YIPF4: variants seen among roughly 807,000 people sequenced by gnomAD.
The protein encoded by YIPF4 is protein YIPF4.
Under a neutral mutation model 29.4 loss-of-function variants are expected in YIPF4, and 18 were observed. The observed-to-expected ratio is 0.61, with a 90% CI of 0.42 to 0.91. The LOEUF (loss-of-function observed/expected upper bound fraction) is 0.91. YIPF4 is among the 40% of genes least tolerant of loss of function. The pLI, the probability that YIPF4 is intolerant of heterozygous loss-of-function variation, is 0.00. For missense variants in YIPF4, 279 were observed against 282.7 expected (o/e 0.99, Z 0.09); for synonymous variants, 115 against 104.7 (o/e 1.10, Z -0.60).
intron 5 of YIPF4, among the ~76,000 whole-genome samples, chr2:32,303,403 G>A (rs887615366): frequency 6.6e-6 from 1 of 152,178 alleles, no homozygotes; most frequent in Non-Finnish European, 1.5e-5. Flanking sequence ...TCAAGCTGTT[G>A]TTATTACAAA....
chr2:32,305,802 G>A lies in YIPF4; in HGVS notation c.*176G>A. On this transcript the variant is annotated 3_prime_UTR_variant, in exon 6 of 6. Transcript: ENST00000238831. ...TTTTGTATTTAATTAAGCAATTGCA[G>A]TTATCTGGGATTTTTGGGTCAGAAT... 1 of 1,227,396 alleles carries A rather than the reference G, an allele frequency of 8.1e-7. No homozygotes were observed. Among genetic ancestry groups the A allele is most frequent in the East Asian group, 3.3e-5 (1 of 30,242 alleles). 76.0% of individuals were successfully genotyped at this position (1,227,396 alleles called of 1,614,324 possible). A position where few individuals can be genotyped will look rare whatever the true frequency, so the allele number is the denominator to read the frequency against.
At position 32,278,073 on chromosome 2, in the gene YIPF4, G is replaced by T. The variant is rs1398318388; in HGVS notation, c.-83G>T. The T allele has an allele frequency of 4.0e-6, 5 of 1,243,298 alleles. No homozygotes were observed. The highest frequency in any genetic ancestry group is 1.6e-5 in the African/African-American group (1 of 63,218). 77.0% of individuals were successfully genotyped at this position (1,243,298 alleles called of 1,614,324 possible). On this transcript the variant is annotated 5_prime_UTR_variant, in exon 1 of 6. Transcript: ENST00000238831. ...TCGTAGGCCGCACCGTAGGGCGAGC[G>T]TGCGGGTCGCCGCCGCGGCCGCCTC...
At chr2:32,291,184 TTG>T (rs1211501586) in intron 2 of YIPF4, among the ~76,000 whole-genome samples, 1 of 152,250 alleles carries the variant, frequency 6.6e-6, no homozygotes, top group African/African-American at 2.4e-5. Context: ...AGATTCTTCT[TTG>T]TATTAATTAT....
chr2:32,303,185 G>A (rs1172430020), intron 5 of YIPF4, among the ~76,000 whole-genome samples: 2 of 152,262 alleles, frequency 1.3e-5, no homozygotes, highest in Middle Eastern at 3.4e-3. Context: ...CCTGGGCAAC[G>A]TGGCGAAACT....
At chr2:32,278,637 T>C (rs1455432862) in intron 1 of YIPF4, among the ~76,000 whole-genome samples, 1 of 152,158 alleles carries the variant, frequency 6.6e-6, no homozygotes, top group Non-Finnish European at 1.5e-5. Flanking sequence ...TTTCTTCTGT[T>C]ATGTATCAAC....
chr2:32,298,414 G>A, intron 4 of YIPF4, 103 bp downstream of exon 4: 1 of 819,826 alleles, frequency 1.2e-6, no homozygotes, highest in Non-Finnish European at 2.0e-6. Context: ...TCTTGTCCCA[G>A]AATTGCTTTA....
In YIPF4 at chr2:32,310,632, CTTTGGAAGGCTGAGGCGGGAGGACTG is replaced by C. The variant is rs1360731267; in HGVS notation, c.*5010_*5035del. 1 of 152,158 alleles carries C rather than the reference CTTTGGAAGGCTGAGGCGGGAGGACTG, an allele frequency of 6.6e-6. No individual in the cohort carries two copies. Among genetic ancestry groups the C allele is most frequent in the Non-Finnish European group, 1.5e-5 (1 of 68,046 alleles). 9.4% of individuals were successfully genotyped at this position (152,158 alleles called of 1,614,324 possible). ...CAGTATCATACCTGTAATCCCAGCACTTTGGAAGGCTGAGGCGGGAGGACTGTTTTGTGGCCAGGAGTTCAAAATCA... is the reference window on the plus strand; with the variant it reads ...CAGTATCATACCTGTAATCCCAGCACTTTTGTGGCCAGGAGTTCAAAATCA... On this transcript the variant is annotated 3_prime_UTR_variant, in exon 6 of 6. Transcript: ENST00000238831.
rs2031564141 is a variant in YIPF4 at position 32,305,849 on chromosome 2, C to T, written c.*223C>T. The T allele has an allele frequency of 2.6e-6, 3 of 1,165,460 alleles. No individual in the cohort carries two copies. In the South Asian group the frequency reaches 1.2e-4, roughly 46 times the overall value. 72.2% of individuals were successfully genotyped at this position (1,165,460 alleles called of 1,614,324 possible). A position where few individuals can be genotyped will look rare whatever the true frequency, so the allele number is the denominator to read the frequency against. On this transcript the variant is annotated 3_prime_UTR_variant, in exon 6 of 6. Transcript: ENST00000238831. ...GAATTTTAAATTCTGTTTGATTCTC[C>T]ATATTCCAGTGAATAAAATACAAAA...
chr2:32,289,408 G>T (rs917381939), intron 1 of YIPF4, among the ~76,000 whole-genome samples: 4 of 152,156 alleles, frequency 2.6e-5, no homozygotes, highest in Non-Finnish European at 5.9e-5. Flanking sequence ...ATGAAAAATG[G>T]TTTTTTGTTT....
chr2:32,296,470 CAA>C (rs1217407449), intron 3 of YIPF4, among the ~76,000 whole-genome samples: 15 of 87,762 alleles, frequency 1.7e-4, no homozygotes, highest in Admixed American at 2.6e-4. Flanking sequence ...GACTCAGTCT[CAA>C]AAAAAAAAAA....
rs575976854 is a variant in YIPF4 at position 32,302,648 on chromosome 2, C to T, written c.597+1153C>T. On this transcript the variant is annotated intron_variant, in intron 5 of 5. Transcript: ENST00000238831. ...CTTAAACATTGGAATTTATTAATGT[C>T]GAACAACTTTGGGAAATAAATGACT... Among the ~76,000 whole-genome samples the T allele has an allele frequency of 2.5e-3, 379 of 151,980 alleles. 1 individual carries two copies. Among genetic ancestry groups the T allele is most frequent in the South Asian group, 0.023 (110 of 4,822 alleles).
chr2:32,307,705 G>C lies in YIPF4; in HGVS notation c.*2079G>C, dbSNP rs571354809. On this transcript the variant is annotated 3_prime_UTR_variant, in exon 6 of 6. Transcript: ENST00000238831. ...CACTTTGGGAGGCCAAAGTGGATGA[G>C]CAGCTTGAGTCAGGAGTTTGAGACC... is the stretch of plus-strand genomic sequence containing the variant. 5 of 152,254 alleles carry C rather than the reference G, an allele frequency of 3.3e-5. No individual in the cohort carries two copies. Among genetic ancestry groups the C allele is most frequent in the African/African-American group, 9.6e-5 (4 of 41,524 alleles). The allele number at this position is 152,254 out of a possible 1,614,324, so 9.4% of individuals were successfully genotyped here.
intron 1 of YIPF4, among the ~76,000 whole-genome samples, chr2:32,284,711 C>T (rs1444488645): frequency 6.6e-6 from 1 of 152,146 alleles, no homozygotes; most frequent in Non-Finnish European, 1.5e-5. Context: ...TGGACTAATA[C>T]AGCAAGTATA....
At chr2:32,296,039 A>G (rs868261598) in intron 3 of YIPF4, among the ~76,000 whole-genome samples, 1 of 152,246 alleles carries the variant, frequency 6.6e-6, no homozygotes, top group Middle Eastern at 3.2e-3. Context: ...TTAGTAGTTT[A>G]TATCAGATGT....
At chr2:32,279,424 GTC>G (rs2030281125) in intron 1 of YIPF4, among the ~76,000 whole-genome samples, 1 of 101,224 alleles carries the variant, frequency 9.9e-6, no homozygotes, top group Admixed American at 1.2e-4. Flanking sequence ...TTGAGACTGA[GTC>G]TCGCTCTGTC....
chr2:32,281,908 A>C (rs1401960264), intron 1 of YIPF4, among the ~76,000 whole-genome samples: 1 of 146,122 alleles, frequency 6.8e-6, no homozygotes, highest in Non-Finnish European at 1.5e-5. Flanking sequence ...AAAAAAAAAA[A>C]AAAAAAAGGC....
chr2:32,304,712 G>A (rs943171130), intron 5 of YIPF4, among the ~76,000 whole-genome samples: 1 of 152,142 alleles, frequency 6.6e-6, no homozygotes, highest in African/African-American at 2.4e-5. Flanking sequence ...TAGAAACTCT[G>A]CCTTGTGCCA....
chr2:32,289,553 A>C (rs995371914), intron 1 of YIPF4, among the ~76,000 whole-genome samples: 4 of 152,194 alleles, frequency 2.6e-5, no homozygotes, highest in Non-Finnish European at 4.4e-5. Flanking sequence ...TTGCACTGAC[A>C]GTATTGATGG....
chr2:32,281,326 C>T (rs1162820090), intron 1 of YIPF4, among the ~76,000 whole-genome samples: 1 of 151,904 alleles, frequency 6.6e-6, no homozygotes, highest in African/African-American at 2.4e-5. Flanking sequence ...ACTGCAATCT[C>T]CACCTCCTGG....
Sources: gnomAD v4.1 joint callset for allele counts (sites outside exome capture counted in the v4.1 genomes callset) on GRCh38, gnomAD v4.1.1 for gene constraint, MANE v1.5 for transcripts, NCBI Gene and HGNC (gene_info 2026-07-23, HGNC 2026-07-21) for gene names.